CSMD3: variants seen among roughly 807,000 people sequenced by gnomAD.
CSMD3 encodes the protein CUB and Sushi multiple domains 3, also known as CUB and sushi domain-containing protein 3.
A neutral mutation model predicts 435.2 loss-of-function variants in CSMD3; 177 were observed. The ratio of observed to expected loss-of-function variants is 0.41; its 90% CI spans 0.36 to 0.46. The LOEUF (loss-of-function observed/expected upper bound fraction) is 0.46, where lower values mean the gene tolerates loss of function less well. Among genes scored for constraint, CSMD3 ranks in the 20% least tolerant of loss-of-function variants. The pLI, the probability that CSMD3 is intolerant of heterozygous loss-of-function variation, is 0.34. For missense variants in CSMD3, 4,265 were observed against 4,504.6 expected, an observed-to-expected ratio of 0.95 and a Z score of 1.52; for synonymous variants, 1,656 against 1,520.5, an observed-to-expected ratio of 1.09 and a Z score of -2.07.
chr8:112,743,748 T>A (rs1248073642), intron 13 of CSMD3, among the ~76,000 whole-genome samples: 2 of 152,044 alleles, frequency 1.3e-5, no homozygotes, highest in Admixed American at 6.6e-5. Context: ...GGGAAAATAG[T>A]TTTTACCATG....
intron 12 of CSMD3, among the ~76,000 whole-genome samples, chr8:112,819,567 G>A (rs537604870): frequency 3.3e-5 from 5 of 152,250 alleles, no homozygotes; most frequent in African/African-American, 1.2e-4. Flanking sequence ...AACACCTCTA[G>A]GAGGTGGGCC....
chr8:113,138,190 T>A (rs374170642), intron 4 of CSMD3, among the ~76,000 whole-genome samples: 2 of 151,496 alleles, frequency 1.3e-5, no homozygotes, highest in East Asian at 3.9e-4. Flanking sequence ...AGTGTTTTCC[T>A]AAACCTGTGG....
At chr8:113,320,012 C>T (rs1252572251) in intron 1 of CSMD3, among the ~76,000 whole-genome samples, 1 of 151,950 alleles carries the variant, frequency 6.6e-6, no homozygotes, top group African/African-American at 2.4e-5. Flanking sequence ...GAACATTGTC[C>T]AAGCTCATCT....
chr8:113,023,548 T>C (rs897462526), intron 5 of CSMD3, among the ~76,000 whole-genome samples: 2 of 152,180 alleles, frequency 1.3e-5, no homozygotes, highest in South Asian at 2.1e-4. Flanking sequence ...TGTTAGATTA[T>C]GGCCCTATGT....
At chr8:112,238,485 C>T (rs1050209242) in intron 66 of CSMD3, among the ~76,000 whole-genome samples, 1 of 151,894 alleles carries the variant, frequency 6.6e-6, no homozygotes, top group Non-Finnish European at 1.5e-5. Flanking sequence ...ACTAAAATTT[C>T]TATTTCCATG....
At chr8:112,250,671 A>G (rs1815179122) in intron 63 of CSMD3, among the ~76,000 whole-genome samples, 1 of 151,746 alleles carries the variant, frequency 6.6e-6, no homozygotes, top group South Asian at 2.1e-4. Context: ...TCTTGGAAAA[A>G]TAACTTATGT....
At chr8:112,784,417 T>C (rs1027675666) in intron 13 of CSMD3, among the ~76,000 whole-genome samples, 1 of 151,040 alleles carries the variant, frequency 6.6e-6, no homozygotes, top group African/African-American at 2.4e-5. Flanking sequence ...GTAGAAACAA[T>C]AGAGATCAGA....
At chr8:113,083,093 T>G (rs1444048357) in intron 5 of CSMD3, among the ~76,000 whole-genome samples, 1 of 152,124 alleles carries the variant, frequency 6.6e-6, no homozygotes, top group Non-Finnish European at 1.5e-5. Context: ...AGGAAGCAGA[T>G]AGATCCCCAA....
At chr8:112,546,956 A>G (rs371787878) in intron 27 of CSMD3, among the ~76,000 whole-genome samples, 2 of 152,176 alleles carry the variant, frequency 1.3e-5, no homozygotes, top group Admixed American at 1.3e-4. Context: ...GGAAACACGT[A>G]TCACCTGTTA....
At position 112,392,006 on chromosome 8, in the gene CSMD3, T is replaced by C. The variant is rs185254848; in HGVS notation, c.5810-1218A>G. Reference sequence around the variant, plus strand: ...CTTTACAATCTCTGAAACACAGATATCTTATCTGTGGAATGGTAACTCTAT... The same window carrying C: ...CTTTACAATCTCTGAAACACAGATACCTTATCTGTGGAATGGTAACTCTAT... On this transcript the variant is annotated intron_variant, in intron 35 of 70. Coordinates refer to ENST00000297405, the MANE Select transcript of CSMD3 (RefSeq NM_198123.2). Among the ~76,000 whole-genome samples the C allele has an allele frequency of 2.6e-5, 4 of 152,298 alleles. No homozygotes were observed. The East Asian group carries it at 7.7e-4, about 29-fold the overall frequency.
At chr8:112,268,375 C>A (rs183452288) in intron 59 of CSMD3, among the ~76,000 whole-genome samples, 229 of 152,224 alleles carry the variant, frequency 1.5e-3, no homozygotes, top group Non-Finnish European at 2.2e-3. Context: ...AAGTAAATAA[C>A]CTCTATGCTA....
At chr8:112,656,599 T>G (rs2131663909) in intron 17 of CSMD3, among the ~76,000 whole-genome samples, 1 of 152,232 alleles carries the variant, frequency 6.6e-6, no homozygotes, top group South Asian at 2.1e-4. Context: ...TATTATAAAT[T>G]ATCTTATAAC....
chr8:113,075,636 T>C (rs1172213937), intron 5 of CSMD3, among the ~76,000 whole-genome samples: 8 of 151,808 alleles, frequency 5.3e-5, no homozygotes, highest in African/African-American at 1.9e-4. Context: ...GGCTTGCATA[T>C]TTGAAAGAGT....
chr8:112,733,971 T>C (rs755094158), intron 13 of CSMD3, among the ~76,000 whole-genome samples: 2 of 151,562 alleles, frequency 1.3e-5, no homozygotes, highest in East Asian at 1.9e-4. Context: ...CATTTAATCA[T>C]TATTATCCTC....
At chr8:112,969,527 T>G (rs1212965684) in intron 7 of CSMD3, among the ~76,000 whole-genome samples, 1 of 152,022 alleles carries the variant, frequency 6.6e-6, no homozygotes. Flanking sequence ...TACCATTAAA[T>G]GTACTGTGGC....
At chr8:113,397,231 A>G (rs1023484786) in intron 1 of CSMD3, among the ~76,000 whole-genome samples, 1 of 152,106 alleles carries the variant, frequency 6.6e-6, no homozygotes, top group African/African-American at 2.4e-5. Context: ...AGGTATCTCC[A>G]TCTTTAAATT....
At chr8:113,389,034 T>TAGATC (rs2094450549) in intron 1 of CSMD3, among the ~76,000 whole-genome samples, 1 of 150,570 alleles carries the variant, frequency 6.6e-6, no homozygotes, top group African/African-American at 2.4e-5. Context: ...TTTGTAAAAA[T>TAGATC]AAGATGTAAA....
At chr8:112,418,127 A>G (rs1221078131) in intron 32 of CSMD3, among the ~76,000 whole-genome samples, 5 of 152,180 alleles carry the variant, frequency 3.3e-5, no homozygotes, top group African/African-American at 1.2e-4. Flanking sequence ...AGAAATAAAG[A>G]AGGATTCAAA....
intron 2 of CSMD3, among the ~76,000 whole-genome samples, chr8:113,304,872 A>G (rs1157813605): frequency 7.0e-5 from 10 of 142,524 alleles, no homozygotes; most frequent in Non-Finnish European, 1.5e-4. Context: ...TATGTAACTA[A>G]CCTGCACAAT....
Sources: gnomAD v4.1 joint callset for allele counts (sites outside exome capture counted in the v4.1 genomes callset) on GRCh38, gnomAD v4.1.1 for gene constraint, MANE v1.5 for transcripts, NCBI Gene and HGNC (gene_info 2026-07-23, HGNC 2026-07-21) for gene names.